The following ST6GALNAC3 variants were observed in gnomAD, a reference collection of about 807,000 sequenced individuals.
ST6GALNAC3 encodes the protein ST6 N-acetylgalactosaminide alpha-2,6-sialyltransferase 3, also known as alpha-N-acetylgalactosaminide alpha-2,6-sialyltransferase 3.
ST6GALNAC3 carries 25 observed loss-of-function variants against 32.7 expected under a neutral mutation model. The ratio of observed to expected loss-of-function variants is 0.76; its 90% CI spans 0.56 to 1.07. The LOEUF is 1.07. Among genes scored for constraint, ST6GALNAC3 ranks in the 50% least tolerant of loss-of-function variants. ST6GALNAC3 has a pLI of 0.00. For synonymous variants in ST6GALNAC3, 129 were observed against 133.1 expected, an observed-to-expected ratio of 0.97 and a Z score of 0.21; for missense variants, 355 against 382.4, an observed-to-expected ratio of 0.93 and a Z score of 0.60.
intron 2 of ST6GALNAC3, among the ~76,000 whole-genome samples, chr1:76,351,991 G>T (rs1649016049): frequency 6.6e-6 from 1 of 152,100 alleles, no homozygotes; most frequent in Non-Finnish European, 1.5e-5. Flanking sequence ...CATCCGAAGG[G>T]CCATAGTACC....
chr1:76,456,021 C>T (rs1458964699), intron 3 of ST6GALNAC3, among the ~76,000 whole-genome samples: 1 of 151,992 alleles, frequency 6.6e-6, no homozygotes, highest in Non-Finnish European at 1.5e-5. Flanking sequence ...CCCGACTCTA[C>T]CAAAAATACA....
At chr1:76,121,526 C>G (rs1045051243) in intron 1 of ST6GALNAC3, among the ~76,000 whole-genome samples, 1 of 152,156 alleles carries the variant, frequency 6.6e-6, no homozygotes, top group African/African-American at 2.4e-5. Context: ...ACCATCCTGG[C>G]TAACACGGTG....
chr1:76,571,147 A>G (rs550459672), intron 3 of ST6GALNAC3, among the ~76,000 whole-genome samples: 46 of 152,238 alleles, frequency 3.0e-4, no homozygotes, highest in African/African-American at 1.1e-3. Context: ...TATCTATTCT[A>G]TCTCCTATCT....
At chr1:76,416,673 G>C (rs1277335111) in intron 3 of ST6GALNAC3, among the ~76,000 whole-genome samples, 3 of 140,178 alleles carry the variant, frequency 2.1e-5, no homozygotes, top group African/African-American at 8.2e-5. Flanking sequence ...TGTCACCCAG[G>C]CTGGAGTGCA....
chr1:76,237,256 C>T (rs974617839), intron 1 of ST6GALNAC3, among the ~76,000 whole-genome samples: 1 of 152,206 alleles, frequency 6.6e-6, no homozygotes, highest in East Asian at 1.9e-4. Flanking sequence ...GCCTCAGCCT[C>T]CCAGGTAGCT....
intron 3 of ST6GALNAC3, among the ~76,000 whole-genome samples, chr1:76,486,179 G>A (rs1427101568): frequency 6.6e-6 from 1 of 152,214 alleles, no homozygotes; most frequent in African/African-American, 2.4e-5. Context: ...GCGATGTGGT[G>A]ATGAGAAGAA....
intron 2 of ST6GALNAC3, among the ~76,000 whole-genome samples, chr1:76,380,852 A>G (rs540875986): frequency 1.1e-4 from 16 of 152,364 alleles, no homozygotes; most frequent in Non-Finnish European, 1.9e-4. Flanking sequence ...GAACCTTTCT[A>G]TAATGAGACC....
At chr1:76,245,736 A>C (rs1657221550) in intron 1 of ST6GALNAC3, among the ~76,000 whole-genome samples, 1 of 151,898 alleles carries the variant, frequency 6.6e-6, no homozygotes. Context: ...GTAGTTGTGC[A>C]GTTTTGAGTT....
chr1:76,200,835 G>A (rs977499102), intron 1 of ST6GALNAC3, among the ~76,000 whole-genome samples: 1 of 152,142 alleles, frequency 6.6e-6, no homozygotes, highest in Non-Finnish European at 1.5e-5. Flanking sequence ...AGAAGGAAAA[G>A]AGACTACAAT....
chr1:76,476,120 A>C (rs1659340658), intron 3 of ST6GALNAC3, among the ~76,000 whole-genome samples: 1 of 152,138 alleles, frequency 6.6e-6, no homozygotes, highest in Non-Finnish European at 1.5e-5. Context: ...TTGGGTCGGA[A>C]TTTTTATAAA....
intron 3 of ST6GALNAC3, among the ~76,000 whole-genome samples, chr1:76,600,033 T>C (rs1647198243): frequency 6.6e-6 from 1 of 152,140 alleles, no homozygotes; most frequent in Admixed American, 6.5e-5. Flanking sequence ...CATTCTTATA[T>C]TAAAATCTTG....
intron 1 of ST6GALNAC3, among the ~76,000 whole-genome samples, chr1:76,265,721 C>T (rs1658490062): frequency 6.6e-6 from 1 of 152,108 alleles, no homozygotes; most frequent in African/African-American, 2.4e-5. Context: ...TAATACTTGC[C>T]TCATAGAGTA....
At chr1:76,218,030 C>G (rs1333132438) in intron 1 of ST6GALNAC3, among the ~76,000 whole-genome samples, 1 of 151,514 alleles carries the variant, frequency 6.6e-6, no homozygotes, top group Non-Finnish European at 1.5e-5. Flanking sequence ...AGGTAGATAC[C>G]CAGGAGTGGA....
At chr1:76,383,085 A>C (rs763547619) in intron 2 of ST6GALNAC3, among the ~76,000 whole-genome samples, 1 of 152,216 alleles carries the variant, frequency 6.6e-6, no homozygotes, top group Non-Finnish European at 1.5e-5. Flanking sequence ...TTTCAATGGA[A>C]ATGGTCTAGA....
chr1:76,096,227 T>C (rs1336400544), intron 1 of ST6GALNAC3, among the ~76,000 whole-genome samples: 1 of 152,176 alleles, frequency 6.6e-6, no homozygotes, highest in Non-Finnish European at 1.5e-5. Flanking sequence ...TTGGAGTGAA[T>C]TTTCTGTTTT....
At chr1:76,443,948 G>A (rs1656791267) in intron 3 of ST6GALNAC3, among the ~76,000 whole-genome samples, 1 of 152,184 alleles carries the variant, frequency 6.6e-6, no homozygotes, top group African/African-American at 2.4e-5. Context: ...AGAAAATAGT[G>A]TTTCCAATTA....
chr1:76,292,801 T>G (rs896118186), intron 1 of ST6GALNAC3, among the ~76,000 whole-genome samples: 2 of 152,178 alleles, frequency 1.3e-5, no homozygotes, highest in African/African-American at 4.8e-5. Context: ...ACATGTCAGT[T>G]ATGCACAGGA....
chr1:76,108,388 C>CTT (rs1647683094), intron 1 of ST6GALNAC3, among the ~76,000 whole-genome samples: 1 of 152,152 alleles, frequency 6.6e-6, no homozygotes, highest in Non-Finnish European at 1.5e-5. Context: ...TTCACAGATC[C>CTT]TTTGAAGCCC....
At chr1:76,093,387 T>C (rs1478719547) in intron 1 of ST6GALNAC3, among the ~76,000 whole-genome samples, 1 of 152,202 alleles carries the variant, frequency 6.6e-6, no homozygotes, top group Admixed American at 6.5e-5. Context: ...TATAGAAAGA[T>C]AGAAGAGGAT....
Sources: allele counts gnomAD v4.1 joint callset (sites outside exome capture counted in the v4.1 genomes callset), GRCh38; gene constraint gnomAD v4.1.1; transcripts MANE v1.5; gene names NCBI Gene and HGNC (gene_info 2026-07-23, HGNC 2026-07-21).